Variants in OPHN1 observed in about 807,000 individuals in gnomAD.
OPHN1 encodes oligophrenin 1, also known as oligophrenin-1.
OPHN1 carries 11 observed loss-of-function variants against 60.7 expected under a neutral mutation model. The observed-to-expected ratio is 0.18, with a 90% CI of 0.11 to 0.30. OPHN1 has a LOEUF of 0.30. OPHN1 is among the 10% of genes least tolerant of loss of function. OPHN1 has a pLI of 1.00. For synonymous variants in OPHN1, 226 were observed against 222.6 expected, an observed-to-expected ratio of 1.02 and a Z score of -0.14; for missense variants, 449 against 611.0, an observed-to-expected ratio of 0.73 and a Z score of 2.80.
At chrX:68,092,534 G>A (rs767987059) in intron 19 of OPHN1, among the ~76,000 whole-genome samples, 2 of 111,971 alleles carry the variant, frequency 1.8e-5, no homozygotes, top group South Asian at 7.4e-4. Flanking sequence ...CATGGTCAGC[G>A]TACATCTCTG....
At chrX:68,354,779 A>T (rs2078432416) in intron 2 of OPHN1, among the ~76,000 whole-genome samples, 1 of 110,425 alleles carries the variant, frequency 9.1e-6, no homozygotes, top group Non-Finnish European at 1.9e-5. Flanking sequence ...AACTAAAAGA[A>T]ACGTCATGAT....
rs1278945457 is a variant in OPHN1 at position 68,044,024 on chromosome X, T to C, written c.*3148A>G. 8.9e-6 allele frequency: 1 copy of C among 112,451 alleles called. No homozygotes were observed. The highest frequency in any genetic ancestry group is 1.9e-5 in the Non-Finnish European group (1 of 53,329). The allele number at this position is 112,451 out of a possible 1,213,427, so 9.3% of individuals were successfully genotyped here. The stretch of plus-strand genomic sequence containing the variant: ...CAACTGCCAACTAAAACACAAATCC[T>C]TCACTTCACAAAATAAAATTAGATG... On this transcript the variant is annotated 3_prime_UTR_variant, in exon 25 of 25. Coordinates refer to ENST00000355520, the MANE Select transcript of OPHN1 (RefSeq NM_002547.3).
chrX:68,308,611 GAAAAGAAAAGAA>G (rs1485279290), intron 2 of OPHN1, among the ~76,000 whole-genome samples: 4 of 109,505 alleles, frequency 3.7e-5, no homozygotes, highest in Non-Finnish European at 7.6e-5. Flanking sequence ...AAAAAGAAAA[GAAAAGAAAAGAA>G]AAAAGAAAAG....
At chrX:68,124,340 T>C (rs2077161640) in intron 15 of OPHN1, among the ~76,000 whole-genome samples, 1 of 111,221 alleles carries the variant, frequency 9.0e-6, no homozygotes, top group South Asian at 3.8e-4. Flanking sequence ...AAGGGGTCAA[T>C]TTAGCAAGAG....
intron 15 of OPHN1, among the ~76,000 whole-genome samples, chrX:68,161,278 T>G (rs1306299275): frequency 9.0e-6 from 1 of 111,130 alleles, no homozygotes; most frequent in African/African-American, 3.3e-5. Context: ...TACCAAAAAC[T>G]TCAAGAATTA....
chrX:68,166,149 A>C (rs1392941312), intron 15 of OPHN1, among the ~76,000 whole-genome samples: 2 of 112,610 alleles, frequency 1.8e-5, no homozygotes, highest in African/African-American at 6.5e-5. Flanking sequence ...GGTTAGGCAA[A>C]GATTCATTAG....
intron 5 of OPHN1, among the ~76,000 whole-genome samples, chrX:68,268,122 G>C (rs1057435810): frequency 9.0e-6 from 1 of 110,908 alleles, no homozygotes; most frequent in Non-Finnish European, 1.9e-5. Context: ...AGAATACAGA[G>C]GTACAGAATA....
At chrX:68,217,410 A>C (rs886143376) in intron 6 of OPHN1, among the ~76,000 whole-genome samples, 1 of 112,116 alleles carries the variant, frequency 8.9e-6, no homozygotes, top group Non-Finnish European at 1.9e-5. Flanking sequence ...GGAAGCTCGA[A>C]CTGGGTGGAG....
intron 3 of OPHN1, among the ~76,000 whole-genome samples, chrX:68,287,272 G>A (rs1406862001): frequency 7.4e-5 from 7 of 94,906 alleles, no homozygotes; most frequent in Non-Finnish European, 1.0e-4. Context: ...GAAAAGAGAA[G>A]AGAAGGGAAG....
At chrX:68,413,067 G>A (rs187760697) in intron 2 of OPHN1, among the ~76,000 whole-genome samples, 2 of 111,541 alleles carry the variant, frequency 1.8e-5, no homozygotes, top group Admixed American at 1.9e-4. Context: ...AGGAAGCAAA[G>A]GGAGAAGAAA....
At chrX:68,416,063 T>TAGAGAG (rs1252046498) in intron 2 of OPHN1, among the ~76,000 whole-genome samples, 12 of 6,301 alleles carry the variant, frequency 1.9e-3, no homozygotes, top group Non-Finnish European at 4.5e-3. Context: ...TATATATATA[T>TAGAGAG]ATATAGAGAG....
At chrX:68,201,849 T>C in intron 10 of OPHN1, 139 bp from the exon 11 acceptor site, 1 of 520,812 alleles carries the variant, frequency 1.9e-6, no homozygotes, top group Non-Finnish European at 3.4e-6. Flanking sequence ...ACTGAGAATC[T>C]TGTCCCTTCA....
intron 18 of OPHN1, among the ~76,000 whole-genome samples, chrX:68,106,110 G>GA (rs772513769): frequency 4.0e-5 from 4 of 100,321 alleles, no homozygotes; most frequent in Non-Finnish European, 6.0e-5. Context: ...AGAGAAGAGA[G>GA]AGAGAGAGAG....
chrX:68,216,327 A>T (rs774873297), intron 6 of OPHN1, among the ~76,000 whole-genome samples: 13 of 111,630 alleles, frequency 1.2e-4, no homozygotes, highest in African/African-American at 3.9e-4. Context: ...GAAAGACAAA[A>T]ATAAAAACAA....
chrX:68,088,428 C>T (rs2077003720), intron 19 of OPHN1, among the ~76,000 whole-genome samples: 1 of 111,688 alleles, frequency 9.0e-6, no homozygotes, highest in Non-Finnish European at 1.9e-5. Context: ...AATGAGATGG[C>T]AGATTCCAAG....
chrX:68,166,207 T>C (rs2077357671), intron 15 of OPHN1, among the ~76,000 whole-genome samples: 1 of 112,503 alleles, frequency 8.9e-6, no homozygotes, highest in South Asian at 3.7e-4. Context: ...TAATAAATTA[T>C]GTCTTGTCAA....
intron 2 of OPHN1, among the ~76,000 whole-genome samples, chrX:68,393,895 T>TTTTTTG (rs2078668022): frequency 8.2e-5 from 6 of 73,207 alleles, no homozygotes; most frequent in Non-Finnish European, 1.4e-4. Flanking sequence ...GTTTTTTTTT[T>TTTTTTG]TTTTTTTTTT....
intron 3 of OPHN1, among the ~76,000 whole-genome samples, chrX:68,291,036 A>C: frequency 8.9e-6 from 1 of 111,988 alleles, no homozygotes; most frequent in Non-Finnish European, 1.9e-5. Context: ...TTTTTTAATG[A>C]AAACTGCCTA....
chrX:68,234,630 T>A (rs373229493), intron 5 of OPHN1, 42 bp from the exon 6 acceptor site: 36 of 956,073 alleles, frequency 3.8e-5, no homozygotes, highest in Non-Finnish European at 4.8e-5. Flanking sequence ...TGTCTGTAGT[T>A]GTAACTCTGT....
Sources: allele counts gnomAD v4.1 joint callset (sites outside exome capture counted in the v4.1 genomes callset), GRCh38; gene constraint gnomAD v4.1.1; transcripts MANE v1.5; gene names NCBI Gene and HGNC (gene_info 2026-07-23, HGNC 2026-07-21).